The following DIS3 variants were observed in gnomAD, a reference collection of about 807,000 sequenced individuals.
DIS3 encodes the protein exosome complex exonuclease RRP44.
DIS3 carries 103 observed loss-of-function variants against 113.0 expected under a neutral mutation model. That is an observed-to-expected ratio of 0.91 (90% CI 0.78 to 1.07). DIS3 has a LOEUF of 1.07. Among genes scored for constraint, DIS3 ranks in the 50% least tolerant of loss-of-function variants. DIS3 has a pLI of 0.00. For missense variants in DIS3, 1,121 were observed against 1,167.1 expected (o/e 0.96, Z 0.58); for synonymous variants, 402 against 394.3 (o/e 1.02, Z -0.23).
At chr13:72,765,908 T>TA (rs1236168707) in intron 15 of DIS3, 64 bp downstream of exon 15, 1 of 1,153,476 alleles carries the variant, frequency 8.7e-7, no homozygotes, top group African/African-American at 1.6e-5. Context: ...TATTTGTACT[T>TA]ACAGTAGACA....
In DIS3 at chr13:72,761,451, A is replaced by G; in HGVS notation, c.2582T>C (p.Val861Ala). The G allele has an allele frequency of 6.2e-7, 1 of 1,611,322 alleles. No homozygotes were observed. Among genetic ancestry groups the G allele is most frequent in the East Asian group, 2.2e-5 (1 of 44,764 alleles). The change falls in exon 19 of 21, where the codon GTG (valine) becomes GCG (alanine). Residue 861 changes from valine to alanine, a missense_variant. By Grantham distance (64) the Val-to-Ala change is moderately conservative. Around this residue, in one of 3 missense-constraint regions of DIS3, gnomAD observed 861 missense variants for 915.5 expected, o/e 0.94. Coordinates refer to ENST00000377767, the MANE Select transcript of DIS3 (RefSeq NM_014953.5). Reference sequence around the variant, plus strand: ...TAAACCATACTTTGGAATTAATACCACAATGGCATTCTTTCTTACAAATAA... The same window carrying G: ...TAAACCATACTTTGGAATTAATACCGCAATGGCATTCTTTCTTACAAATAA... ...YILFVRKNAI[V>A]VLIPKYGLEG...
intron 1 of DIS3, 143 bp downstream of exon 1, chr13:72,781,462 C>G: frequency 4.1e-6 from 6 of 1,453,960 alleles, no homozygotes; most frequent in African/African-American, 2.9e-5. Flanking sequence ...GCCTGGGGAA[C>G]AGGAAGCTTC....
At chr13:72,762,730 A>C (rs1848590435) in intron 16 of DIS3, among the ~76,000 whole-genome samples, 1 of 152,214 alleles carries the variant, frequency 6.6e-6, no homozygotes, top group South Asian at 2.1e-4. Context: ...GGCTGAAAAA[A>C]TGTGCCCTTT....
At chr13:72,766,799 A>G (rs2138175514) in intron 14 of DIS3, among the ~76,000 whole-genome samples, 1 of 152,298 alleles carries the variant, frequency 6.6e-6, no homozygotes, top group Admixed American at 6.5e-5. Context: ...TTTTAATGAG[A>G]CTGGGCAACC....
In DIS3 at chr13:72,758,404, AAC is replaced by A. The variant is rs1171431627; in HGVS notation, c.*1389_*1390del. 1.6e-4 allele frequency: 30 copies of A among 192,120 alleles called. No homozygotes were observed. Among genetic ancestry groups the A allele is most frequent in the Admixed American group, 2.4e-4 (4 of 16,340 alleles). The allele number at this position is 192,120 out of a possible 1,614,324, so 11.9% of individuals were successfully genotyped here. On this transcript the variant is annotated 3_prime_UTR_variant, in exon 21 of 21. Coordinates refer to ENST00000377767, the MANE Select transcript of DIS3 (RefSeq NM_014953.5). The stretch of plus-strand genomic sequence containing the variant: ...AACTTAACAAATCAGGCCTTGTTGA[AAC>A]ACAGTCATGTTGATTTGTTTACATA...
At chr13:72,770,267 AT>A (rs1269601938) in intron 13 of DIS3, among the ~76,000 whole-genome samples, 2 of 152,142 alleles carry the variant, frequency 1.3e-5, no homozygotes, top group Non-Finnish European at 2.9e-5. Flanking sequence ...ATCAAAAATT[AT>A]CTGCTTATAA....
At chr13:72,780,143 T>C (rs957696698) in intron 2 of DIS3, among the ~76,000 whole-genome samples, 3 of 151,650 alleles carry the variant, frequency 2.0e-5, no homozygotes, top group Non-Finnish European at 2.9e-5. Flanking sequence ...CTGACCAACA[T>C]GGTGAAACCC....
rs765348829 is a variant in DIS3 at position 72,755,209 on chromosome 13, G to C, written c.*4586C>G. 8 of 1,612,072 alleles carry C rather than the reference G, an allele frequency of 5.0e-6. No individual in the cohort carries two copies. In the South Asian group the frequency reaches 8.8e-5, roughly 18 times the overall value. ...ACAGCAAGCCCTTTTCAATGCAGCAGTCCATAGAATGCCTCTGTCAGAATC... is the reference window on the plus strand; with the variant it reads ...ACAGCAAGCCCTTTTCAATGCAGCACTCCATAGAATGCCTCTGTCAGAATC... On this transcript the variant is annotated 3_prime_UTR_variant, in exon 21 of 21. Coordinates refer to ENST00000377767, the MANE Select transcript of DIS3 (RefSeq NM_014953.5).
At position 72,766,329 on chromosome 13, in the gene DIS3, T is replaced by C. The variant is rs554359064; in HGVS notation, c.1884-271A>G. Among the ~76,000 whole-genome samples the C allele has an allele frequency of 2.0e-5, 3 of 152,352 alleles. No homozygotes were observed. The South Asian group carries it at 6.2e-4, about 32-fold the overall frequency. On this transcript the variant is annotated intron_variant, in intron 14 of 20. Transcript: ENST00000377767. ...TGAATCCCTGTGCTTCTGAGGGTTA[T>C]ATCTTCTGTACCCAAACGATGAGTT...
intron 14 of DIS3, 53 bp from the exon 15 acceptor site, chr13:72,766,111 A>T: frequency 7.0e-7 from 1 of 1,426,912 alleles, no homozygotes; most frequent in Non-Finnish European, 9.6e-7. Context: ...ATAAAAGACA[A>T]AAGTATAGAA....
rs146777498 is a variant in DIS3, at chr13:72,771,895, A to G, written c.1505T>C (p.Val502Ala). The G allele has an allele frequency of 2.5e-6, 4 of 1,612,368 alleles. No individual in the cohort carries two copies. Among genetic ancestry groups the G allele is most frequent in the Middle Eastern group, 1.7e-4 (1 of 6,056 alleles). ...CRELENGNLE[V>A]GVHIADVSHF... ...GCTCACATCAGCAATATGAACACCA[A>G]CCTTAAAAAGATAAAAATAAAAGGA... Residue 502 changes from valine to alanine, a missense_variant and splice_region_variant, in exon 11 of 21, where the codon GTT (valine) becomes GCT (alanine). Around this residue, in one of 3 missense-constraint regions of DIS3, gnomAD observed 861 missense variants for 915.5 expected, o/e 0.94. Coordinates refer to ENST00000377767, the MANE Select transcript of DIS3 (RefSeq NM_014953.5).
At chr13:72,781,566 C>G in intron 1 of DIS3, 39 bp downstream of exon 1, 1 of 1,479,044 alleles carries the variant, frequency 6.8e-7, no homozygotes, top group Non-Finnish European at 9.0e-7. Flanking sequence ...CCCTTGTCCC[C>G]GTGGGGCCGC....
At chr13:72,775,155 A>C in intron 6 of DIS3, 56 bp downstream of exon 6, 1 of 1,473,526 alleles carries the variant, frequency 6.8e-7, no homozygotes, top group Non-Finnish European at 9.0e-7. Flanking sequence ...TCCAAAGCTG[A>C]CATATTAATA....
At chr13:72,760,358 C>T (rs1309501734) in intron 20 of DIS3, among the ~76,000 whole-genome samples, 171 bp downstream of exon 20, 1 of 152,106 alleles carries the variant, frequency 6.6e-6, no homozygotes, top group Non-Finnish European at 1.5e-5. Context: ...GTCTAGAATC[C>T]CGTGGCCTAA....
At chr13:72,760,778 A>C in intron 19 of DIS3, 127 bp from the exon 20 acceptor site, 4 of 1,178,592 alleles carry the variant, frequency 3.4e-6, no homozygotes, top group Admixed American at 3.1e-5. Context: ...TACGTGTTCA[A>C]CATAACAAAG....
In DIS3 at chr13:72,754,007, ATAC is replaced by A. The variant is rs2033360124; in HGVS notation, c.*5785_*5787del. 1 of 579,388 alleles carries A rather than the reference ATAC, an allele frequency of 1.7e-6. No individual in the cohort carries two copies. The highest frequency in any genetic ancestry group is 2.5e-5 in the South Asian group (1 of 40,392). 35.9% of individuals were successfully genotyped at this position (579,388 alleles called of 1,614,324 possible). ...TACTCTGAATACACAAGTATCTTAC[ATAC>A]TACAAAGTGTGCAAAGGTAGCGTGT... On this transcript the variant is annotated 3_prime_UTR_variant, in exon 21 of 21. Transcript: ENST00000377767.
chr13:72,757,727 G>A lies in DIS3; in HGVS notation c.*2068C>T, dbSNP rs1185098095. The stretch of plus-strand genomic sequence containing the variant: ...CAGGCATGAGCCACCGCACCTAGCC[G>A]GCAAACTTTTTTAAATGGTTGGCGG... On this transcript the variant is annotated 3_prime_UTR_variant, in exon 21 of 21. Transcript: ENST00000377767. The A allele has an allele frequency of 1.6e-5, 3 of 188,092 alleles. No homozygotes were observed. The highest frequency in any genetic ancestry group is 3.4e-5 in the Non-Finnish European group (3 of 89,374). 11.7% of individuals were successfully genotyped at this position (188,092 alleles called of 1,614,324 possible).
chr13:72,781,819 T>A lies in DIS3; in HGVS notation c.14A>T (p.Lys5Met). 6.3e-7 allele frequency: 1 copy of A among 1,595,052 alleles called. No individual in the cohort carries two copies. Among genetic ancestry groups the A allele is most frequent in the Non-Finnish European group, 8.6e-7 (1 of 1,169,300 alleles). Residue 5 changes from lysine to methionine, a missense_variant, in exon 1 of 21, where the codon AAG becomes ATG. By Grantham distance (95) the Lys-to-Met change is moderately conservative. Transcript: ENST00000377767. MLKS[K>M]TFLKKTRAGG... ...CGCCCGGGTCTTTTTTAAGAACGTC[T>A]TGGACTTGAGCATCTTGCCTCGCCG...
At position 72,778,345 on chromosome 13, in the gene DIS3, G is replaced by C; in HGVS notation, c.422C>G (p.Ala141Gly). 3 of 1,581,162 alleles carry C rather than the reference G, an allele frequency of 1.9e-6. No homozygotes were observed. Among genetic ancestry groups the C allele is most frequent in the Non-Finnish European group, 2.6e-6 (3 of 1,155,462 alleles). Residue 141 changes from alanine (A) to glycine (G), a missense_variant, in exon 3 of 21, where the codon GCT becomes GGT. Around this residue, in one of 3 missense-constraint regions of DIS3, gnomAD observed 254 missense variants for 232.2 expected, o/e 1.09. Transcript: ENST00000377767. ...TYVEQEQGEN[A>G]NDRNDRAIRV... is the part of the protein sequence containing the mutation. ...AATCGCTCTATCATTCCTGTCATTAGCATTTTCTCCCTGTTCTTGTTCTAC... is the reference window on the plus strand; with the variant it reads ...AATCGCTCTATCATTCCTGTCATTACCATTTTCTCCCTGTTCTTGTTCTAC...
Sources: gnomAD v4.1 joint callset for allele counts (sites outside exome capture counted in the v4.1 genomes callset) on GRCh38, gnomAD v4.1.1 for gene constraint, gnomAD v4.1.1 regional missense constraint, MANE v1.5 for transcripts, NCBI Gene and HGNC (gene_info 2026-07-23, HGNC 2026-07-21) for gene names.